Variants in SLC41A2 observed in about 807,000 individuals in gnomAD.
SLC41A2 encodes the protein SLC41A1-like 1.
Under a neutral mutation model 58.3 loss-of-function variants are expected in SLC41A2, and 32 were observed. The ratio of observed to expected loss-of-function variants is 0.55; its 90% CI spans 0.41 to 0.74. The LOEUF is 0.74. SLC41A2 is among the 30% of genes least tolerant of loss of function. The pLI is 0.00. For missense variants in SLC41A2, 514 were observed against 680.6 expected, an observed-to-expected ratio of 0.76 and a Z score of 2.72; for synonymous variants, 190 against 235.0, an observed-to-expected ratio of 0.81 and a Z score of 1.75.
chr12:104,944,489 A>G (rs996137515), intron 1 of SLC41A2, among the ~76,000 whole-genome samples: 3 of 152,256 alleles, frequency 2.0e-5, no homozygotes, highest in African/African-American at 7.2e-5. Flanking sequence ...ACAGGTACAC[A>G]GTATCATGTT....
chr12:104,937,936 A>G (rs935814029), intron 1 of SLC41A2, among the ~76,000 whole-genome samples: 1 of 152,248 alleles, frequency 6.6e-6, no homozygotes. Flanking sequence ...TTGTGCAAGT[A>G]TAAACTGCCA....
At chr12:104,877,824 C>T (rs1214322419) in intron 6 of SLC41A2, among the ~76,000 whole-genome samples, 1 of 152,014 alleles carries the variant, frequency 6.6e-6, no homozygotes, top group Admixed American at 6.6e-5. Context: ...CACAGTGAAA[C>T]CCCGTCTCTA....
rs573938809 is a variant in SLC41A2, at chr12:104,822,777, T to C, written c.1537-17440A>G. On this transcript the variant is annotated intron_variant, in intron 10 of 10. Transcript: ENST00000258538. The stretch of plus-strand genomic sequence containing the variant: ...TTGAGTAATAGATATCTCTAGAAAG[T>C]GAAACTACCTGAAAAAATTTTAATT... Among the ~76,000 whole-genome samples, 10 of 151,864 alleles carry C rather than the reference T, an allele frequency of 6.6e-5. No homozygotes were observed. The South Asian group carries it at 2.1e-3, about 32-fold the overall frequency.
chr12:104,859,366 G>A (rs562219558), intron 8 of SLC41A2, among the ~76,000 whole-genome samples: 1 of 152,316 alleles, frequency 6.6e-6, no homozygotes, highest in African/African-American at 2.4e-5. Context: ...AATAGAGAGT[G>A]AGTCAGGAAG....
intron 6 of SLC41A2, among the ~76,000 whole-genome samples, chr12:104,869,904 A>G (rs1171725235): frequency 6.6e-6 from 1 of 152,228 alleles, no homozygotes; most frequent in Non-Finnish European, 1.5e-5. Flanking sequence ...CTTCCACATT[A>G]ATATTAAAAT....
intron 6 of SLC41A2, among the ~76,000 whole-genome samples, chr12:104,870,703 T>C (rs2043726270): frequency 6.6e-6 from 1 of 152,216 alleles, no homozygotes; most frequent in South Asian, 2.1e-4. Flanking sequence ...TTTTATATTG[T>C]TGACGGCATT....
At chr12:104,912,236 A>C (rs981918134) in intron 2 of SLC41A2, among the ~76,000 whole-genome samples, 5 of 152,182 alleles carry the variant, frequency 3.3e-5, no homozygotes, top group African/African-American at 9.7e-5. Flanking sequence ...ATTTAGTGAT[A>C]CACAAAGTGA....
intron 10 of SLC41A2, among the ~76,000 whole-genome samples, chr12:104,830,251 G>A (rs1340500393): frequency 6.6e-6 from 1 of 152,168 alleles, no homozygotes; most frequent in South Asian, 2.1e-4. Flanking sequence ...AGGACCTCCT[G>A]CAGATAGCAA....
At chr12:104,877,307 G>A (rs7299019) in intron 6 of SLC41A2, among the ~76,000 whole-genome samples, 5 of 152,010 alleles carry the variant, frequency 3.3e-5, no homozygotes, top group Admixed American at 6.6e-5. Context: ...CCCCTAGTGC[G>A]CACAGAGCAG....
At chr12:104,822,797 T>G (rs2041689215) in intron 10 of SLC41A2, among the ~76,000 whole-genome samples, 1 of 152,098 alleles carries the variant, frequency 6.6e-6, no homozygotes, top group East Asian at 1.9e-4. Context: ...TGAAAAAATT[T>G]TAATTGCAGG....
intron 3 of SLC41A2, among the ~76,000 whole-genome samples, chr12:104,901,538 T>G (rs189892494): frequency 1.2e-3 from 175 of 152,072 alleles, no homozygotes; most frequent in African/African-American, 4.2e-3. Context: ...AGGAAACCTA[T>G]TTTTATTTAT....
At chr12:104,884,530 C>G (rs893960324) in intron 6 of SLC41A2, among the ~76,000 whole-genome samples, 1 of 152,186 alleles carries the variant, frequency 6.6e-6, no homozygotes, top group Non-Finnish European at 1.5e-5. Flanking sequence ...CCACTACCAG[C>G]CCTCCATCCC....
intron 6 of SLC41A2, among the ~76,000 whole-genome samples, chr12:104,870,127 T>C (rs1056163918): frequency 7.9e-5 from 12 of 152,164 alleles, no homozygotes; most frequent in Non-Finnish European, 1.5e-4. Context: ...AATATTATCC[T>C]GGATTATTTG....
At chr12:104,861,709 C>T (rs755813719) in intron 7 of SLC41A2, among the ~76,000 whole-genome samples, 11 of 152,102 alleles carry the variant, frequency 7.2e-5, no homozygotes, top group Non-Finnish European at 1.6e-4. Context: ...TGACAGGGGA[C>T]TGACGGTCAT....
intron 8 of SLC41A2, among the ~76,000 whole-genome samples, chr12:104,853,923 T>TTA (rs2042914210): frequency 3.0e-5 from 3 of 100,166 alleles, no homozygotes; most frequent in Non-Finnish European, 7.3e-5. Context: ...TTTTTTTTTT[T>TTA]TTTTTTTTTT....
intron 8 of SLC41A2, among the ~76,000 whole-genome samples, chr12:104,860,791 C>T (rs78567353): frequency 0.042 from 6,427 of 151,944 alleles, 200 homozygotes; most frequent in Middle Eastern, 0.095. Flanking sequence ...GTTGCCCTGG[C>T]CTCAAACCCC....
intron 6 of SLC41A2, among the ~76,000 whole-genome samples, chr12:104,870,700 T>C (rs1242175912): frequency 6.6e-6 from 1 of 152,196 alleles, no homozygotes; most frequent in Non-Finnish European, 1.5e-5. Context: ...ACATTTTATA[T>C]TGTTGACGGC....
At chr12:104,930,617 A>G (rs796358210) in intron 1 of SLC41A2, among the ~76,000 whole-genome samples, 21 of 152,332 alleles carry the variant, frequency 1.4e-4, no homozygotes, top group African/African-American at 4.6e-4. Context: ...CTGATGCAGA[A>G]TTACCAGGAT....
chr12:104,909,656 G>A lies in SLC41A2; in HGVS notation c.662C>T (p.Ala221Val). Reference sequence around the variant, plus strand: ...AATTTGAGGTAGGAAAAAACTTACTGCAGTGGATAATCTGGATGCCAATGT... The same window carrying A: ...AATTTGAGGTAGGAAAAAACTTACTACAGTGGATAATCTGGATGCCAATGT... ...EMTLASRLST[A>V]VNIGKMDSPI... The change falls in exon 3 of 11, where the codon GCA becomes GTA. Residue 221 changes from alanine to valine, a missense_variant and splice_region_variant. Ala to Val is a moderately conservative substitution (Grantham distance 64). Coordinates refer to ENST00000258538, the MANE Select transcript of SLC41A2 (RefSeq NM_001352171.3). The A allele has an allele frequency of 6.2e-7, 1 of 1,602,110 alleles. No homozygotes were observed. The highest frequency in any genetic ancestry group is 8.5e-7 in the Non-Finnish European group (1 of 1,172,624).
Sources: allele counts gnomAD v4.1 joint callset (sites outside exome capture counted in the v4.1 genomes callset), GRCh38; gene constraint gnomAD v4.1.1; transcripts MANE v1.5; gene names NCBI Gene and HGNC (gene_info 2026-07-23, HGNC 2026-07-21).